Variants in ITPKB observed in about 807,000 individuals in gnomAD.
ITPKB encodes the protein inositol-trisphosphate 3-kinase B, also known as IP3 3-kinase B.
A neutral mutation model predicts 69.4 loss-of-function variants in ITPKB; 13 were observed. The observed-to-expected ratio is 0.19, with a 90% CI of 0.12 to 0.30. The LOEUF is 0.30. Among genes scored for constraint, ITPKB ranks in the 10% least tolerant of loss-of-function variants. The pLI is 1.00. For synonymous variants in ITPKB, 584 were observed against 513.7 expected, an observed-to-expected ratio of 1.14 and a Z score of -1.85; for missense variants, 1,240 against 1,250.5, an observed-to-expected ratio of 0.99 and a Z score of 0.13.
At chr1:226,670,916 T>C (rs534657401) in intron 2 of ITPKB, among the ~76,000 whole-genome samples, 14 of 152,380 alleles carry the variant, frequency 9.2e-5, no homozygotes, top group Admixed American at 5.9e-4. Context: ...TCGAAATTTC[T>C]GTAGCCTGGT....
chr1:226,639,704 T>C (rs1344558499), intron 5 of ITPKB, 46 bp from the exon 6 acceptor site: 26 of 1,313,386 alleles, frequency 2.0e-5, no homozygotes, highest in Non-Finnish European at 2.9e-5. Flanking sequence ...GCAGGGACCC[T>C]CGGGCAGAAA....
intron 2 of ITPKB, among the ~76,000 whole-genome samples, chr1:226,681,332 C>A (rs1378891004): frequency 6.6e-6 from 1 of 152,116 alleles, no homozygotes; most frequent in Admixed American, 6.5e-5. Context: ...CCATTGCAGA[C>A]ACCTCCATCT....
At chr1:226,643,693 G>C (rs1168208957) in intron 4 of ITPKB, among the ~76,000 whole-genome samples, 2 of 152,254 alleles carry the variant, frequency 1.3e-5, no homozygotes, top group African/African-American at 4.8e-5. Context: ...CAAATCCTTT[G>C]GGTGTGAACT....
chr1:226,649,845 C>CAAAACA (rs1553317101), intron 2 of ITPKB, among the ~76,000 whole-genome samples: 3,185 of 150,326 alleles, frequency 0.021, 108 homozygotes, highest in Admixed American at 0.088. Flanking sequence ...CAAAACAAAA[C>CAAAACA]AAAAAAACAA....
At chr1:226,659,005 G>A (rs565302460) in intron 2 of ITPKB, among the ~76,000 whole-genome samples, 7 of 152,316 alleles carry the variant, frequency 4.6e-5, no homozygotes, top group African/African-American at 9.6e-5. Context: ...TTTGCAGTGC[G>A]TAGACCTGGT....
Position 226,634,643 on chromosome 1 carries a change from G to A in ITPKB, c.*28C>T, listed in dbSNP as rs1668789857. On this transcript the variant is annotated 3_prime_UTR_variant, in exon 8 of 8. Transcript: ENST00000429204. This position sits in a 1 kb window ranked among gnomAD's most constrained non-coding sequence, Gnocchi z 6.3. ...GCACAGGAGGAGGAAAGGAGGCCCA[G>A]GCGGGGGCCAGGGAGGGCGTGGGCA... 1.3e-6 allele frequency: 1 copy of A among 768,576 alleles called. No individual in the cohort carries two copies. The highest frequency in any genetic ancestry group is 1.7e-5 in the African/African-American group (1 of 58,970). The allele number at this position is 768,576 out of a possible 1,614,324, so 47.6% of individuals were successfully genotyped here. A position where few individuals can be genotyped will look rare whatever the true frequency, so the allele number is the denominator to read the frequency against.
chr1:226,721,403 T>A (rs1297633930), intron 2 of ITPKB, among the ~76,000 whole-genome samples: 1 of 150,664 alleles, frequency 6.6e-6, no homozygotes, highest in East Asian at 2.0e-4. Flanking sequence ...CCAGGACTCC[T>A]CCATCCTATC....
At position 226,737,347 on chromosome 1, in the gene ITPKB, T is replaced by C. The variant is rs1425291445; in HGVS notation, c.112A>G (p.Arg38Gly). Residue 38 changes from arginine to glycine, a missense_variant, in exon 2 of 8, where the codon AGG (arginine) becomes GGG (glycine). Arg to Gly is a moderately radical substitution (Grantham distance 125, BLOSUM62 -2). This residue lies in a region of ITPKB where 992 missense variants were observed against 853.8 expected (regional missense o/e 1.16). Coordinates refer to ENST00000429204, the MANE Select transcript of ITPKB (RefSeq NM_002221.4). Reference sequence around the variant, plus strand: ...CTGCCGGGGCTCAGCACTGCCCTCCTCGGGGGCGGGGGCGTCTCGCTGCCA... The same window carrying C: ...CTGCCGGGGCTCAGCACTGCCCTCCCCGGGGGCGGGGGCGTCTCGCTGCCA... ...PSGSETPPPP[R>G]RAVLSPGSVF... 6.2e-7 allele frequency: 1 copy of C among 1,602,994 alleles called. No individual in the cohort carries two copies. Among genetic ancestry groups the C allele is most frequent in the South Asian group, 1.1e-5 (1 of 90,774 alleles).
rs1224524385 is a variant in ITPKB at position 226,737,212 on chromosome 1, T to C, written c.247A>G (p.Asn83Asp). Reference sequence around the variant, plus strand: ...CCGCTGCCACTGCCGCTGCTACTATTCAGCCTGCGCCGGCCGCTCCGCCAG... The same window carrying C: ...CCGCTGCCACTGCCGCTGCTACTATCCAGCCTGCGCCGGCCGCTCCGCCAG... ...GGWRSGRRRLNSSSGSGSGSS... is the reference protein window; with the variant it reads ...GGWRSGRRRLDSSSGSGSGSS... Residue 83 changes from asparagine to aspartate, a missense_variant, in exon 2 of 8, where the codon AAT (asparagine) becomes GAT (aspartate). Physicochemically the swap from Asn to Asp is conservative, Grantham distance 23. Coordinates refer to ENST00000429204, the MANE Select transcript of ITPKB (RefSeq NM_002221.4). 1 of 1,577,100 alleles carries C rather than the reference T, an allele frequency of 6.3e-7. No individual in the cohort carries two copies. The highest frequency in any genetic ancestry group is 8.6e-7 in the Non-Finnish European group (1 of 1,169,390).
chr1:226,722,175 C>T (rs575627926), intron 2 of ITPKB, among the ~76,000 whole-genome samples: 4 of 152,208 alleles, frequency 2.6e-5, no homozygotes, highest in Non-Finnish European at 5.9e-5. Context: ...AAACTACAGT[C>T]AGAGGCCAGG....
intron 4 of ITPKB, among the ~76,000 whole-genome samples, chr1:226,646,607 C>G (rs1472188860): frequency 6.6e-6 from 1 of 152,158 alleles, no homozygotes; most frequent in Admixed American, 6.5e-5. Context: ...TCACCTGGGG[C>G]CCTGCGGTGA....
intron 2 of ITPKB, among the ~76,000 whole-genome samples, chr1:226,699,881 A>G (rs1269924158): frequency 2.6e-5 from 4 of 152,222 alleles, no homozygotes; most frequent in African/African-American, 9.6e-5. Flanking sequence ...CACAGGTCCC[A>G]CAATAGGCTG....
Position 226,637,861 on chromosome 1 carries a change from G to T in ITPKB, c.2554-111C>A, listed in dbSNP as rs555863655. 7 of 773,880 alleles carry T rather than the reference G, an allele frequency of 9.0e-6. No homozygotes were observed. The highest frequency in any genetic ancestry group is 8.6e-5 in the Admixed American group (4 of 46,778). 47.9% of individuals were successfully genotyped at this position (773,880 alleles called of 1,614,324 possible). A position where few individuals can be genotyped will look rare whatever the true frequency, so the allele number is the denominator to read the frequency against. On this transcript the variant is annotated intron_variant, in intron 6 of 7. Coordinates refer to ENST00000429204, the MANE Select transcript of ITPKB (RefSeq NM_002221.4). The surrounding 1 kb of genome is among the most constrained non-coding windows in gnomAD (Gnocchi z 4.3). ...CCCGTGAATGTGCTTTACCCTAAAC[G>T]CCGGACATCTAGAGGCAGCTTCCTG...
At chr1:226,666,809 T>TC (rs1002123508) in intron 2 of ITPKB, among the ~76,000 whole-genome samples, 4 of 152,152 alleles carry the variant, frequency 2.6e-5, no homozygotes, top group African/African-American at 7.2e-5. Flanking sequence ...ATCATGTCCC[T>TC]CCCCTGCTTT....
chr1:226,647,150 C>T lies in ITPKB; in HGVS notation c.2246+17G>A, dbSNP rs376485416. ...TGCACTGAGGCAGGCATGTGGGCTG[C>T]GAGAAGCCTGGCTCACCTGATTCCC... On this transcript the variant is annotated intron_variant, in intron 4 of 7. Transcript: ENST00000429204. 46 of 1,611,992 alleles carry T rather than the reference C, an allele frequency of 2.9e-5. No individual in the cohort carries two copies. Among genetic ancestry groups the T allele is most frequent in the South Asian group, 4.4e-5 (4 of 91,060 alleles).
chr1:226,642,580 G>A lies in ITPKB; in HGVS notation c.2247-455C>T, dbSNP rs1668983796. Among the ~76,000 whole-genome samples the A allele has an allele frequency of 1.3e-5, 2 of 151,938 alleles. No homozygotes were observed. Among genetic ancestry groups the A allele is most frequent in the African/African-American group, 2.4e-5 (1 of 41,342 alleles). On this transcript the variant is annotated intron_variant, in intron 4 of 7. Transcript: ENST00000429204. This position sits in a 1 kb window ranked among gnomAD's most constrained non-coding sequence, Gnocchi z 6.4. ...CACAAAGCCCAAGGAGCTCCTCCTCGGGAGACCCCCACAGGAACCAGCAGA... is the reference window on the plus strand; with the variant it reads ...CACAAAGCCCAAGGAGCTCCTCCTCAGGAGACCCCCACAGGAACCAGCAGA...
chr1:226,701,148 G>A (rs1056452812), intron 2 of ITPKB, among the ~76,000 whole-genome samples: 5 of 152,168 alleles, frequency 3.3e-5, no homozygotes, highest in African/African-American at 7.2e-5. Flanking sequence ...AGCTAGCCAC[G>A]CAGGGTCTGT....
intron 2 of ITPKB, among the ~76,000 whole-genome samples, chr1:226,682,774 A>G (rs549786707): frequency 6.6e-6 from 1 of 152,238 alleles, no homozygotes; most frequent in East Asian, 1.9e-4. Flanking sequence ...AAAGAAGCTG[A>G]AAGTGGTATA....
At chr1:226,678,976 G>A (rs1449523111) in intron 2 of ITPKB, among the ~76,000 whole-genome samples, 7 of 152,226 alleles carry the variant, frequency 4.6e-5, no homozygotes, top group Non-Finnish European at 1.5e-5. Flanking sequence ...AGACCACATG[G>A]TTGCCTAGAA....
Sources: gnomAD v4.1 joint callset for allele counts (sites outside exome capture counted in the v4.1 genomes callset) on GRCh38, gnomAD v4.1.1 for gene constraint, gnomAD v4.1.1 regional missense constraint, Gnocchi (gnomAD v3.1) non-coding constraint, MANE v1.5 for transcripts, NCBI Gene and HGNC (gene_info 2026-07-23, HGNC 2026-07-21) for gene names.